Variants in FBXL3 observed in about 807,000 individuals in gnomAD.
The protein encoded by FBXL3 is F-box and leucine rich repeat protein 3, also known as F-box/LRR-repeat protein 3.
In FBXL3, 14 loss-of-function variants were observed where a neutral mutation model predicts 37.9. The ratio of observed to expected loss-of-function variants is 0.37; its 90% CI spans 0.24 to 0.58. The LOEUF is 0.58. FBXL3 is among the 20% of genes least tolerant of loss of function. The pLI is 0.74. For synonymous variants in FBXL3, 194 were observed against 180.1 expected (o/e 1.08, Z -0.62); for missense variants, 327 against 511.1 (o/e 0.64, Z 3.47).
intron 1 of FBXL3, among the ~76,000 whole-genome samples, 191 bp from the exon 2 acceptor site, chr13:77,022,052 A>G (rs1219768453): frequency 6.6e-6 from 1 of 152,220 alleles, no homozygotes; most frequent in East Asian, 1.9e-4. Context: ...TGGTTTTATA[A>G]ATTTTACACT....
At position 77,026,853 on chromosome 13, in the gene FBXL3, A is replaced by C. The variant is rs2034852890; in HGVS notation, c.-28T>G. ...TGCTGCCGGGGGCGGCTTCCCCCACACACCACCCCGTGCTCCGGGGACGGC... is the reference window on the plus strand; with the variant it reads ...TGCTGCCGGGGGCGGCTTCCCCCACCCACCACCCCGTGCTCCGGGGACGGC... On this transcript the variant is annotated 5_prime_UTR_variant, in exon 1 of 5. Transcript: ENST00000355619. The C allele has an allele frequency of 6.7e-6, 1 of 149,610 alleles. No homozygotes were observed. The highest frequency in any genetic ancestry group is 2.5e-5 in the African/African-American group (1 of 40,574). 9.3% of individuals were successfully genotyped at this position (149,610 alleles called of 1,614,324 possible). A position where few individuals can be genotyped will look rare whatever the true frequency, so the allele number is the denominator to read the frequency against.
rs767156725 is a variant in FBXL3, at chr13:77,007,461, A to C, written c.971T>G (p.Leu324Arg). 1 of 1,614,198 alleles carries C rather than the reference A, an allele frequency of 6.2e-7. No individual in the cohort carries two copies. Among genetic ancestry groups the C allele is most frequent in the South Asian group, 1.1e-5 (1 of 91,084 alleles). Residue 324 changes from leucine to arginine, a missense_variant, in exon 5 of 5, where the codon CTT becomes CGT. Coordinates refer to ENST00000355619, the MANE Select transcript of FBXL3 (RefSeq NM_012158.4). ...YFGRSVSKDV[L>R]GRVGMTCPRL... ...AGGGCATGTCATTCCCACACGGCCAAGCACATCTTTGCTTACTGATCTCCC... is the reference window on the plus strand; with the variant it reads ...AGGGCATGTCATTCCCACACGGCCACGCACATCTTTGCTTACTGATCTCCC...
rs564913009 is a variant in FBXL3, at chr13:77,005,337, T to C, written c.*1808A>G. The C allele has an allele frequency of 2.0e-5, 3 of 152,720 alleles. No individual in the cohort carries two copies. Among genetic ancestry groups the C allele is most frequent in the South Asian group, 2.1e-4 (1 of 4,824 alleles). The allele number at this position is 152,720 out of a possible 1,614,324, so 9.5% of individuals were successfully genotyped here. A position where few individuals can be genotyped will look rare whatever the true frequency, so the allele number is the denominator to read the frequency against. ...TACAGTATAAACAAATTAAGTACTA[T>C]GCATTTTGCTTATAAAGTGACAAAG... On this transcript the variant is annotated 3_prime_UTR_variant, in exon 5 of 5. Coordinates refer to ENST00000355619, the MANE Select transcript of FBXL3 (RefSeq NM_012158.4).
intron 1 of FBXL3, among the ~76,000 whole-genome samples, chr13:77,023,345 A>AGAGAGAGTGTGTGTGTGTGT (rs199568005): frequency 2.7e-5 from 4 of 147,504 alleles, no homozygotes; most frequent in Admixed American, 1.3e-4. Flanking sequence ...AGAGAGAGAG[A>AGAGAGAGTGTGTGTGTGTGT]GTGTGTGTGT....
In FBXL3 at chr13:77,007,240, T is replaced by G. The variant is rs1457940322; in HGVS notation, c.1192A>C (p.Ile398Leu). Reference sequence around the variant, plus strand: ...TCCAAACTATACTTTTGGTCAGGAATTAGTACTTCTTCCATAATGGATAAT... The same window carrying G: ...TCCAAACTATACTTTTGGTCAGGAAGTAGTACTTCTTCCATAATGGATAAT... The part of the protein sequence containing the change: ...SQLSIMEEVL[I>L]PDQKYSLEQI... Residue 398 changes from isoleucine (I) to leucine (L), a missense_variant, in exon 5 of 5, where the codon ATT becomes CTT. Ile to Leu is a conservative substitution (Grantham distance 5). Transcript: ENST00000355619. The G allele has an allele frequency of 6.2e-7, 1 of 1,614,102 alleles. No individual in the cohort carries two copies. The highest frequency in any genetic ancestry group is 1.7e-5 in the Admixed American group (1 of 60,022).
rs1457005101 is a variant in FBXL3, at chr13:77,015,569, G to C, written c.483C>G (p.Ile161Met). The C allele has an allele frequency of 6.6e-7, 1 of 1,519,558 alleles. No individual in the cohort carries two copies. Among genetic ancestry groups the C allele is most frequent in the African/African-American group, 1.4e-5 (1 of 70,606 alleles). 94.1% of individuals were successfully genotyped at this position (1,519,558 alleles called of 1,614,324 possible). ...TTACGAACACAACTGTCAGTGCAGAGATAAAGTGAGACTGAAAAGCAAAAA... is the reference window on the plus strand; with the variant it reads ...TTACGAACACAACTGTCAGTGCAGACATAAAGTGAGACTGAAAAGCAAAAA... Reference protein sequence around the residue: ...SFMDLPKSHFISALTVVFVNS... With the variant: ...SFMDLPKSHFMSALTVVFVNS... The change falls in exon 4 of 5, where the codon ATC (isoleucine) becomes ATG (methionine). Residue 161 changes from isoleucine to methionine, a missense_variant. By Grantham distance (10) the Ile-to-Met change is conservative (BLOSUM62 1). Transcript: ENST00000355619.
chr13:77,011,177 T>C (rs7490134), intron 4 of FBXL3, among the ~76,000 whole-genome samples: 6 of 150,452 alleles, frequency 4.0e-5, no homozygotes, highest in Non-Finnish European at 5.9e-5. Context: ...CCATCTCTAC[T>C]AAAAATACAA....
chr13:77,021,409 C>T, intron 2 of FBXL3, 104 bp downstream of exon 2: 2 of 825,002 alleles, frequency 2.4e-6, no homozygotes, highest in South Asian at 4.2e-5. Flanking sequence ...TAAGCATTTT[C>T]CCTGAAAAAG....
chr13:77,014,296 G>A (rs978731801), intron 4 of FBXL3: 1 of 152,238 alleles, frequency 6.6e-6, no homozygotes, highest in African/African-American at 2.4e-5. Context: ...GACAGGTGGA[G>A]GTCAAGATAC....
At chr13:77,023,190 C>T (rs745951211) in intron 1 of FBXL3, among the ~76,000 whole-genome samples, 3 of 152,202 alleles carry the variant, frequency 2.0e-5, no homozygotes, top group Admixed American at 6.5e-5. Context: ...GATGGGGTCT[C>T]GCTCTGTCAC....
rs927793714 is a variant in FBXL3 at position 77,005,663 on chromosome 13, A to ACC, written c.*1480_*1481dup. ...GAAAGCAAAAATTATGTAGAAAATC[A>ACC]CCTTTTGCTTTATTCTTAAGAAGGC... On this transcript the variant is annotated 3_prime_UTR_variant, in exon 5 of 5. Transcript: ENST00000355619. 6.6e-6 allele frequency: 1 copy of ACC among 152,116 alleles called. No individual in the cohort carries two copies. The highest frequency in any genetic ancestry group is 2.4e-5 in the African/African-American group (1 of 41,446). The allele number at this position is 152,116 out of a possible 1,614,324, so 9.4% of individuals were successfully genotyped here.
At chr13:77,023,456 T>C (rs777175250) in intron 1 of FBXL3, among the ~76,000 whole-genome samples, 3 of 152,104 alleles carry the variant, frequency 2.0e-5, no homozygotes, top group Non-Finnish European at 4.4e-5. Flanking sequence ...TAACCAACAG[T>C]AGACGGCAGA....
rs779295651 is a variant in FBXL3, at chr13:77,015,576, T to G, written c.476A>C (p.His159Pro). 3 of 1,513,748 alleles carry G rather than the reference T, an allele frequency of 2.0e-6. No homozygotes were observed. Among genetic ancestry groups the G allele is most frequent in the Non-Finnish European group, 1.8e-6 (2 of 1,133,860 alleles). 93.8% of individuals were successfully genotyped at this position (1,513,748 alleles called of 1,614,324 possible). A position where few individuals can be genotyped will look rare whatever the true frequency, so the allele number is the denominator to read the frequency against. Residue 159 changes from histidine (H) to proline (P), a missense_variant, in exon 4 of 5, where the codon CAC becomes CCC. His to Pro is a moderately conservative substitution (Grantham distance 77). Coordinates refer to ENST00000355619, the MANE Select transcript of FBXL3 (RefSeq NM_012158.4). ...CACAACTGTCAGTGCAGAGATAAAG[T>G]GAGACTGAAAAGCAAAAAAAATAAA... ...RPSFMDLPKS[H>P]FISALTVVFV...
chr13:77,015,155 C>T (rs1286340996), intron 4 of FBXL3: 3 of 262,936 alleles, frequency 1.1e-5, no homozygotes, highest in East Asian at 1.4e-4. Flanking sequence ...GTCCTTTCCT[C>T]TTTTTTTTCC....
In FBXL3 at chr13:77,007,332, C is replaced by T; in HGVS notation, c.1100G>A (p.Gly367Glu). The T allele has an allele frequency of 6.2e-7, 1 of 1,614,156 alleles. No individual in the cohort carries two copies. Among genetic ancestry groups the T allele is most frequent in the Admixed American group, 1.7e-5 (1 of 60,018 alleles). The change falls in exon 5 of 5, where the codon GGG (glycine) becomes GAG (glutamate). Residue 367 changes from glycine to glutamate, a missense_variant. Gly to Glu is a moderately conservative substitution (Grantham distance 98). Coordinates refer to ENST00000355619, the MANE Select transcript of FBXL3 (RefSeq NM_012158.4). Reference sequence around the variant, plus strand: ...GGCACTACATGAGACTTCACATTCCCCTAGTCCAATAGCTGACAAATTTTT... The same window carrying T: ...GGCACTACATGAGACTTCACATTCCTCTAGTCCAATAGCTGACAAATTTTT... ...RCKNLSAIGL[G>E]ECEVSCSAFV...
At chr13:77,016,013 A>G (rs2034636464) in intron 3 of FBXL3, 1 of 152,346 alleles carries the variant, frequency 6.6e-6, no homozygotes. Context: ...TTAAAAATTA[A>G]TAATTTATTC....
At chr13:77,017,429 C>T (rs989123989) in intron 3 of FBXL3, 6 of 152,134 alleles carry the variant, frequency 3.9e-5, no homozygotes, top group African/African-American at 1.4e-4. Flanking sequence ...GAAGGTGGCG[C>T]TATACCATGT....
At chr13:77,024,389 G>C in intron 1 of FBXL3, among the ~76,000 whole-genome samples, 1 of 152,118 alleles carries the variant, frequency 6.6e-6, no homozygotes, top group East Asian at 1.9e-4. Flanking sequence ...ATTCAAAAAA[G>C]AATGACAGTC....
rs1400500748 is a variant in FBXL3, at chr13:77,005,542, AG to A, written c.*1602del. ...TCAGAGCTTTTTACTATTTAGAAGGAGGGGATATATTACTATAATTGCTGTT... is the reference window on the plus strand; with the variant it reads ...TCAGAGCTTTTTACTATTTAGAAGGAGGGATATATTACTATAATTGCTGTT... On this transcript the variant is annotated 3_prime_UTR_variant, in exon 5 of 5. Transcript: ENST00000355619. 7.9e-5 allele frequency: 12 copies of A among 152,644 alleles called. No homozygotes were observed. Among genetic ancestry groups the A allele is most frequent in the African/African-American group, 2.9e-4 (12 of 41,564 alleles). The allele number at this position is 152,644 out of a possible 1,614,324, so 9.5% of individuals were successfully genotyped here.
Sources: allele counts gnomAD v4.1 joint callset (sites outside exome capture counted in the v4.1 genomes callset), GRCh38; gene constraint gnomAD v4.1.1; transcripts MANE v1.5; gene names NCBI Gene and HGNC (gene_info 2026-07-23, HGNC 2026-07-21).